CDON: variants seen among roughly 807,000 people sequenced by gnomAD.
CDON encodes the protein cell adhesion molecule-related/down-regulated by oncogenes.
Under a neutral mutation model 120.9 loss-of-function variants are expected in CDON, and 73 were observed. That is an observed-to-expected ratio of 0.60 (90% CI 0.50 to 0.73). CDON has a LOEUF of 0.73. Among genes scored for constraint, CDON ranks in the 30% least tolerant of loss-of-function variants. The pLI, the probability that CDON is intolerant of heterozygous loss-of-function variation, is 0.00. For synonymous variants in CDON, 566 were observed against 573.5 expected (o/e 0.99, Z 0.19); for missense variants, 1,470 against 1,587.3 (o/e 0.93, Z 1.26).
At chr11:126,000,008 A>G (rs1415274058) in intron 11 of CDON, among the ~76,000 whole-genome samples, 3 of 152,168 alleles carry the variant, frequency 2.0e-5, no homozygotes, top group Non-Finnish European at 4.4e-5. Context: ...TTCTCCTTTG[A>G]AGTTTAGCTT....
At position 126,043,396 on chromosome 11, in the gene CDON, G is replaced by A. The variant is rs559260148; in HGVS notation, c.-62+19183C>T. On this transcript the variant is annotated intron_variant, in intron 1 of 19. Transcript: ENST00000531738. ...TTGGCCCACTCCCACACTGTGGAGT[G>A]TACTTTCGTTTTCAGTAAATCCCTA... is the stretch of plus-strand genomic sequence containing the variant. Among the ~76,000 whole-genome samples, 4 of 152,208 alleles carry A rather than the reference G, an allele frequency of 2.6e-5. No homozygotes were observed. In the South Asian group the frequency reaches 8.3e-4, roughly 32 times the overall value.
In CDON at chr11:126,007,975, C is replaced by T. The variant is rs1451035217; in HGVS notation, c.1553-1918G>A. The stretch of plus-strand genomic sequence containing the variant: ...TTTTGAATCGGAAAAGAGATTGATG[C>T]AACTACGGCAATGTAAATAAATTTA... On this transcript the variant is annotated intron_variant, in intron 8 of 19. Transcript: ENST00000531738. 2.0e-5 allele frequency among the ~76,000 whole-genome samples: 3 copies of T among 152,106 alleles called. No individual in the cohort carries two copies. The East Asian group carries it at 5.8e-4, about 29-fold the overall frequency.
rs1947274192 is a variant in CDON at position 126,010,664 on chromosome 11, G to T, written c.1229C>A (p.Ala410Glu). 6.2e-7 allele frequency: 1 copy of T among 1,613,990 alleles called. No homozygotes were observed. The highest frequency in any genetic ancestry group is 1.3e-5 in the African/African-American group (1 of 74,922). ...DGGFKPVIIT[A>E]PVSAKVADGD... is the part of the protein sequence containing the mutation. ...GTCTGCAACCTTTGCACTTACTGGT[G>T]CCGTAATTATAACTGGCTTGAATCC... Residue 410 changes from alanine to glutamate, a missense_variant, in exon 8 of 20, where the codon GCA becomes GAA. By Grantham distance (107) the Ala-to-Glu change is moderately radical. Transcript: ENST00000531738.
intron 1 of CDON, among the ~76,000 whole-genome samples, chr11:126,032,748 T>A (rs970337599): frequency 4.6e-5 from 7 of 152,208 alleles, no homozygotes; most frequent in African/African-American, 1.7e-4. Context: ...GGCATACACC[T>A]ATAATCCCAG....
In CDON at chr11:125,989,630, C is replaced by A. The variant is rs776089995; in HGVS notation, c.2773+7G>T. 6.2e-7 allele frequency: 1 copy of A among 1,612,130 alleles called. No individual in the cohort carries two copies. Among genetic ancestry groups the A allele is most frequent in the South Asian group, 1.1e-5 (1 of 90,986 alleles). ...CACTGTCCAGGGAAAAGCAAAAATT[C>A]TCCTACCTTTAGTCTCGCAGATCAT... On this transcript the variant is annotated splice_region_variant and intron_variant, in intron 15 of 19. Transcript: ENST00000531738.
chr11:126,004,119 G>A (rs1450298871), intron 9 of CDON, 43 bp from the exon 10 acceptor site: 18 of 1,592,038 alleles, frequency 1.1e-5, no homozygotes, highest in South Asian at 1.0e-4. Context: ...GCAGGAGATG[G>A]AGGATAGGAA....
At chr11:125,980,835 T>C (rs1005748534) in intron 17 of CDON, among the ~76,000 whole-genome samples, 1 of 152,330 alleles carries the variant, frequency 6.6e-6, no homozygotes, top group Non-Finnish European at 1.5e-5. Flanking sequence ...AATTTTAAAA[T>C]GAAACTAAAC....
intron 1 of CDON, among the ~76,000 whole-genome samples, chr11:126,044,265 C>T (rs752627192): frequency 2.2e-4 from 33 of 152,134 alleles, no homozygotes; most frequent in Middle Eastern, 3.2e-3. Flanking sequence ...TTTCTTCATA[C>T]TTTGGTATTA....
intron 18 of CDON, among the ~76,000 whole-genome samples, chr11:125,971,395 T>G (rs1335804673): frequency 7.0e-6 from 1 of 143,434 alleles, no homozygotes; most frequent in Non-Finnish European, 1.5e-5. Context: ...AATAAATAAA[T>G]AAATAAATAA....
At chr11:126,042,770 C>T (rs1389017355) in intron 1 of CDON, among the ~76,000 whole-genome samples, 1 of 152,146 alleles carries the variant, frequency 6.6e-6, no homozygotes, top group African/African-American at 2.4e-5. Flanking sequence ...TACAAGCACA[C>T]GCTGCCATGC....
At chr11:126,059,159 C>T (rs2043437) in intron 1 of CDON, among the ~76,000 whole-genome samples, 47,654 of 152,164 alleles carry the variant, frequency 0.31, 7,701 homozygotes, top group Middle Eastern at 0.5. Context: ...AACGATACAT[C>T]AGCCTTTACA....
rs112365084 is a variant in CDON at position 126,052,090 on chromosome 11, TAAAACAAAACAAAAC to T, written c.-62+10474_-62+10488del. On this transcript the variant is annotated intron_variant, in intron 1 of 19. Coordinates refer to ENST00000531738, the MANE Select transcript of CDON (RefSeq NM_001378964.1). The stretch of plus-strand genomic sequence containing the variant: ...AATTGGCTTTAGTTAGCCATGGGAT[TAAAACAAAACAAAAC>T]AAAACAAAACAAAACAAAAAAAACT... Among the ~76,000 whole-genome samples the T allele has an allele frequency of 6.6e-5, 10 of 150,626 alleles. No homozygotes were observed. In the East Asian group the frequency reaches 7.7e-4, roughly 12 times the overall value.
At chr11:125,963,373 T>C (rs1166533356) in intron 18 of CDON, among the ~76,000 whole-genome samples, 1 of 152,152 alleles carries the variant, frequency 6.6e-6, no homozygotes, top group Non-Finnish European at 1.5e-5. Flanking sequence ...GATTTGGACA[T>C]GTTAGGTAGG....
intron 1 of CDON, among the ~76,000 whole-genome samples, chr11:126,050,056 A>G (rs1948516494): frequency 6.6e-6 from 1 of 152,168 alleles, no homozygotes; most frequent in African/African-American, 2.4e-5. Flanking sequence ...GGAAAAGAAA[A>G]TGAAATGACT....
rs1555111498 is a variant in CDON, at chr11:125,958,592, T to TGTGTG, written c.*2349_*2350insCACAC. The stretch of plus-strand genomic sequence containing the variant: ...GTGTGTGTGTGTGTGTGTGTGTGTG[T>TGTGTG]TTATATATATATATTTATATATTTC... On this transcript the variant is annotated 3_prime_UTR_variant, in exon 20 of 20. Transcript: ENST00000531738. 0.12 allele frequency: 18,136 copies of TGTGTG among 145,252 alleles called. 1,357 individuals carry two copies. The highest frequency in any genetic ancestry group is 0.36 in the East Asian group (1,721 of 4,760). 9.0% of individuals were successfully genotyped at this position (145,252 alleles called of 1,614,324 possible).
In CDON at chr11:125,957,147, C is replaced by T. The variant is rs1945508159; in HGVS notation, c.*3795G>A. On this transcript the variant is annotated 3_prime_UTR_variant, in exon 20 of 20. Coordinates refer to ENST00000531738, the MANE Select transcript of CDON (RefSeq NM_001378964.1). ...CCTCCTCATCCTCCCAAGCTCCTCT[C>T]CTACCCACCTCCCTTCCCTCCAAGG... 1 of 152,540 alleles carries T rather than the reference C, an allele frequency of 6.6e-6. No individual in the cohort carries two copies. Among genetic ancestry groups the T allele is most frequent in the African/African-American group, 2.4e-5 (1 of 41,446 alleles). 9.4% of individuals were successfully genotyped at this position (152,540 alleles called of 1,614,324 possible).
chr11:126,007,739 C>T (rs1040981022), intron 8 of CDON, among the ~76,000 whole-genome samples: 3 of 152,132 alleles, frequency 2.0e-5, no homozygotes, highest in Non-Finnish European at 2.9e-5. Context: ...GCAATGAGAC[C>T]TCTCCAGAAC....
intron 11 of CDON, among the ~76,000 whole-genome samples, chr11:125,999,054 T>TA (rs576002098): frequency 4.3e-4 from 65 of 152,116 alleles, no homozygotes; most frequent in Admixed American, 8.5e-4. Context: ...CTGTAGCATT[T>TA]AAAAAAAATA....
intron 1 of CDON, among the ~76,000 whole-genome samples, chr11:126,038,217 C>T (rs190443315): frequency 1.4e-4 from 22 of 152,314 alleles, no homozygotes; most frequent in Admixed American, 6.5e-4. Context: ...AGAAATTTCC[C>T]TAGCCAACTT....
Sources: gnomAD v4.1 joint callset for allele counts (sites outside exome capture counted in the v4.1 genomes callset) on GRCh38, gnomAD v4.1.1 for gene constraint, MANE v1.5 for transcripts, NCBI Gene and HGNC (gene_info 2026-07-23, HGNC 2026-07-21) for gene names.